The following SOX5 variants were observed in gnomAD, a reference collection of about 807,000 sequenced individuals.
SOX5 encodes transcription factor SOX-5.
A neutral mutation model predicts 92.0 loss-of-function variants in SOX5; 9 were observed. That is an observed-to-expected ratio of 0.10 (90% CI 0.06 to 0.17). The LOEUF (loss-of-function observed/expected upper bound fraction) is 0.17. SOX5 is among the 10% of genes least tolerant of loss of function. SOX5 has a pLI of 1.00. For missense variants in SOX5, 642 were observed against 944.5 expected (o/e 0.68, Z 4.20); for synonymous variants, 344 against 336.3 (o/e 1.02, Z -0.25).
At chr12:23,539,974 G>A (rs1941567976) in intron 13 of SOX5, among the ~76,000 whole-genome samples, 1 of 151,898 alleles carries the variant, frequency 6.6e-6, no homozygotes, top group African/African-American at 2.4e-5. Flanking sequence ...CAACTGACAA[G>A]TTTGGTTTTG....
chr12:24,107,544 C>CA (rs1274267144), intron 4 of SOX5, among the ~76,000 whole-genome samples: 15 of 152,264 alleles, frequency 9.9e-5, no homozygotes, highest in Middle Eastern at 3.4e-3. Flanking sequence ...TTGAAACAAA[C>CA]AAACAAACAA....
intron 4 of SOX5, among the ~76,000 whole-genome samples, chr12:24,030,522 C>T (rs767095438): frequency 2.0e-5 from 3 of 151,914 alleles, no homozygotes; most frequent in Non-Finnish European, 4.4e-5. Context: ...ATCCTTATCT[C>T]ACACCATATA....
chr12:24,457,345 T>C (rs1943132898), intron 1 of SOX5, among the ~76,000 whole-genome samples: 1 of 152,196 alleles, frequency 6.6e-6, no homozygotes, highest in Admixed American at 6.5e-5. Context: ...TTTTAAAATA[T>C]ATACGTCTGT....
intron 2 of SOX5, among the ~76,000 whole-genome samples, chr12:23,859,804 G>A (rs541507163): frequency 2.0e-4 from 30 of 152,112 alleles, no homozygotes; most frequent in African/African-American, 5.5e-4. Context: ...TTCTCAGACC[G>A]GCCGACACTT....
At chr12:24,333,472 T>C (rs1207734824) in intron 2 of SOX5, among the ~76,000 whole-genome samples, 2 of 152,080 alleles carry the variant, frequency 1.3e-5, no homozygotes, top group African/African-American at 4.8e-5. Flanking sequence ...ATTTATCCAC[T>C]AATCTTAAGG....
intron 2 of SOX5, among the ~76,000 whole-genome samples, chr12:23,867,077 T>C (rs1411085880): frequency 6.6e-6 from 1 of 152,048 alleles, no homozygotes; most frequent in Non-Finnish European, 1.5e-5. Context: ...AAACATGGCA[T>C]AGGTTTACTT....
chr12:24,009,612 A>G (rs1474252769), intron 4 of SOX5, among the ~76,000 whole-genome samples: 1 of 152,068 alleles, frequency 6.6e-6, no homozygotes, highest in African/African-American at 2.4e-5. Flanking sequence ...TCAAATTACA[A>G]GAAGAGGTTA....
intron 2 of SOX5, among the ~76,000 whole-genome samples, chr12:23,871,939 A>C (rs1328383297): frequency 6.6e-6 from 1 of 151,496 alleles, no homozygotes; most frequent in Non-Finnish European, 1.5e-5. Context: ...AATACTTGAG[A>C]GTACAACATC....
intron 1 of SOX5, among the ~76,000 whole-genome samples, chr12:23,943,742 G>T (rs1944076572): frequency 6.6e-6 from 1 of 152,076 alleles, no homozygotes; most frequent in African/African-American, 2.4e-5. Flanking sequence ...GTTCAGGTTT[G>T]AATTGATTTA....
At chr12:23,795,035 C>T (rs1479568182) in intron 3 of SOX5, among the ~76,000 whole-genome samples, 1 of 152,060 alleles carries the variant, frequency 6.6e-6, no homozygotes, top group African/African-American at 2.4e-5. Flanking sequence ...CCAGTGGCTA[C>T]GGCTCTTGAA....
intron 1 of SOX5, among the ~76,000 whole-genome samples, chr12:24,498,177 C>A (rs1172110295): frequency 2.6e-5 from 4 of 151,578 alleles, no homozygotes; most frequent in African/African-American, 9.7e-5. Flanking sequence ...TGTAACAAAT[C>A]TGAACATCCT....
At chr12:23,914,294 T>C (rs1209104273) in intron 1 of SOX5, among the ~76,000 whole-genome samples, 1 of 152,174 alleles carries the variant, frequency 6.6e-6, no homozygotes, top group Non-Finnish European at 1.5e-5. Flanking sequence ...GTTATAAAAG[T>C]AGAACATTAT....
upstream of SOX5, among the ~76,000 whole-genome samples, chr12:23,951,330 C>A (rs918348427): frequency 1.6e-4 from 24 of 146,198 alleles, no homozygotes; most frequent in African/African-American, 5.6e-4. Flanking sequence ...TCCCCCCCAA[C>A]CCCCTCCACT....
intron 4 of SOX5, among the ~76,000 whole-genome samples, chr12:23,969,262 G>T (rs904553914): frequency 6.6e-6 from 1 of 152,014 alleles, no homozygotes; most frequent in African/African-American, 2.4e-5. Flanking sequence ...ATCACCATCT[G>T]CTGCTAAAAT....
At chr12:23,880,832 C>G (rs2096980744) in intron 2 of SOX5, among the ~76,000 whole-genome samples, 1 of 152,164 alleles carries the variant, frequency 6.6e-6, no homozygotes, top group Admixed American at 6.5e-5. Context: ...AATAGACTAA[C>G]TGTAGAATAA....
At chr12:24,173,403 G>C (rs559442237) in intron 4 of SOX5, among the ~76,000 whole-genome samples, 1 of 152,206 alleles carries the variant, frequency 6.6e-6, no homozygotes, top group African/African-American at 2.4e-5. Flanking sequence ...CCAGCTATCT[G>C]CTGGTCTCAT....
chr12:24,263,545 A>AAAAAAAAAAC (rs1565781856), intron 3 of SOX5, among the ~76,000 whole-genome samples: 1 of 149,210 alleles, frequency 6.7e-6, no homozygotes, highest in East Asian at 2.0e-4. Context: ...AAAAAACAAA[A>AAAAAAAAAAC]AAAAAAACAA....
chr12:23,933,377 T>A (rs1248655738), intron 1 of SOX5, among the ~76,000 whole-genome samples: 1 of 151,668 alleles, frequency 6.6e-6, no homozygotes, highest in Non-Finnish European at 1.5e-5. Context: ...TTGTGGAGCA[T>A]GTCTCTTGCC....
chr12:24,171,173 GA>G (rs1954064118), intron 4 of SOX5, among the ~76,000 whole-genome samples: 1 of 99,936 alleles, frequency 1.0e-5, no homozygotes, highest in Non-Finnish European at 2.1e-5. Context: ...TTCTAATAGT[GA>G]TTTTAGTTTT....
Sources: allele counts gnomAD v4.1 joint callset (sites outside exome capture counted in the v4.1 genomes callset), GRCh38; gene constraint gnomAD v4.1.1; transcripts MANE v1.5; gene names NCBI Gene and HGNC (gene_info 2026-07-23, HGNC 2026-07-21).